ACTR5: variants seen among roughly 807,000 people sequenced by gnomAD.
ACTR5 encodes actin related protein 5, also known as actin-related protein 5.
ACTR5 carries 43 observed loss-of-function variants against 61.2 expected under a neutral mutation model. The ratio of observed to expected loss-of-function variants is 0.70; its 90% confidence interval spans 0.55 to 0.91. The LOEUF (loss-of-function observed/expected upper bound fraction) is 0.91, where lower values mean the gene tolerates loss of function less well. Ranked by LOEUF, ACTR5 falls within the 40% of genes least tolerant of loss-of-function variation. The probability of loss-of-function intolerance (pLI) is 0.00; values close to 1 mark genes in which losing one functional copy is unlikely to be tolerated. For missense variants in ACTR5, 798 were observed against 782.2 expected, an observed-to-expected ratio of 1.02 and a Z score of -0.24; for synonymous variants, 333 against 310.5, an observed-to-expected ratio of 1.07 and a Z score of -0.76.
chr20:38,762,211 G>A (rs928373891), intron 5 of ACTR5, among the ~76,000 whole-genome samples: 4 of 152,194 alleles, frequency 2.6e-5, no homozygotes, highest in African/African-American at 9.7e-5. Context: ...GAGGACTCAA[G>A]GTCTGGGTTC....
intron 5 of ACTR5, among the ~76,000 whole-genome samples, chr20:38,758,945 C>T (rs536267287): frequency 6.6e-5 from 10 of 152,154 alleles, no homozygotes; most frequent in African/African-American, 9.7e-5. Context: ...ATAGAGGTCT[C>T]GAAAATCTAT....
intron 8 of ACTR5, among the ~76,000 whole-genome samples, chr20:38,771,110 T>C (rs954644804): frequency 2.0e-5 from 3 of 152,194 alleles, no homozygotes; most frequent in African/African-American, 7.2e-5. Context: ...AGGTCACCCC[T>C]CTCTGCTGCC....
At chr20:38,753,238 C>G (rs2084397721) in intron 3 of ACTR5, among the ~76,000 whole-genome samples, 1 of 151,850 alleles carries the variant, frequency 6.6e-6, no homozygotes, top group South Asian at 2.1e-4. Flanking sequence ...TTTTACAATT[C>G]TATGATATGA....
chr20:38,752,386 C>G (rs1601193918), intron 3 of ACTR5, 86 bp downstream of exon 3: 1 of 1,442,128 alleles, frequency 6.9e-7, no homozygotes, highest in East Asian at 2.4e-5. Context: ...TCTTTGCTTG[C>G]TCACTTTTTA....
rs2145661188 is a variant in ACTR5, at chr20:38,748,857, A to G, written c.375+4A>G. Reference sequence around the variant, plus strand: ...GCACCTGGGTGTCTCCTCACAGGTGAAGGGCGGAGTAGGCTGGGCTGGGCT... The same window carrying G: ...GCACCTGGGTGTCTCCTCACAGGTGGAGGGCGGAGTAGGCTGGGCTGGGCT... On this transcript the variant is annotated splice_donor_region_variant and intron_variant, in intron 1 of 8. Coordinates refer to ENST00000243903, the MANE Select transcript of ACTR5 (RefSeq NM_024855.4). 6.2e-7 allele frequency: 1 copy of G among 1,604,634 alleles called. No homozygotes were observed. The highest frequency in any genetic ancestry group is 2.3e-5 in the East Asian group (1 of 44,140).
intron 3 of ACTR5, among the ~76,000 whole-genome samples, chr20:38,753,207 T>C (rs2084397354): frequency 1.3e-5 from 2 of 151,838 alleles, no homozygotes; most frequent in Non-Finnish European, 2.9e-5. Flanking sequence ...TATTGACTCT[T>C]TTTTTTTAGT....
chr20:38,759,297 C>T (rs1034368743), intron 5 of ACTR5, among the ~76,000 whole-genome samples: 1 of 152,198 alleles, frequency 6.6e-6, no homozygotes, highest in African/African-American at 2.4e-5. Flanking sequence ...CTGTCATTCC[C>T]TGCAGTTCCA....
rs1373747731 is a variant in ACTR5 at position 38,756,013 on chromosome 20, G to T, written c.1150G>T (p.Val384Leu). 2 of 1,613,354 alleles carry T rather than the reference G, an allele frequency of 1.2e-6. No homozygotes were observed. Among genetic ancestry groups the T allele is most frequent in the Non-Finnish European group, 1.7e-6 (2 of 1,179,976 alleles). The change falls in exon 5 of 9, where the codon GTG (valine) becomes TTG (leucine). Residue 384 changes from valine (V) to leucine (L), a missense_variant. Physicochemically the swap from Val to Leu is conservative, Grantham distance 32 (BLOSUM62 1). Transcript: ENST00000243903. ...KILQAEVNLE[V>L]DVVDSKPETP... ...CCTCCAAGCGGAAGTCAACCTCGAGGTGGATGTGGTAGACAGCAAGCCAGA... is the reference window on the plus strand; with the variant it reads ...CCTCCAAGCGGAAGTCAACCTCGAGTTGGATGTGGTAGACAGCAAGCCAGA...
chr20:38,749,745 G>C (rs1295969102), intron 1 of ACTR5, among the ~76,000 whole-genome samples: 1 of 152,210 alleles, frequency 6.6e-6, no homozygotes, highest in East Asian at 1.9e-4. Flanking sequence ...ATTAGAAGCA[G>C]TTGGATTCTG....
chr20:38,754,860 A>G, intron 3 of ACTR5, 97 bp from the exon 4 acceptor site: 1 of 1,236,304 alleles, frequency 8.1e-7, no homozygotes, highest in Admixed American at 2.0e-5. Context: ...AAGTGCTGGG[A>G]TTACAGGCGT....
At chr20:38,763,273 C>G (rs2084465508) in intron 5 of ACTR5, among the ~76,000 whole-genome samples, 1 of 152,180 alleles carries the variant, frequency 6.6e-6, no homozygotes, top group African/African-American at 2.4e-5. Flanking sequence ...GGGGTCATTC[C>G]TGAAGAGCTG....
Position 38,748,822 on chromosome 20 carries a change from A to G in ACTR5, c.344A>G (p.Tyr115Cys), listed in dbSNP as rs1157598518. 3.7e-6 allele frequency: 6 copies of G among 1,608,540 alleles called. No homozygotes were observed. Among genetic ancestry groups the G allele is most frequent in the Admixed American group, 1.7e-5 (1 of 59,794 alleles). ...NLELQELLLD[Y>C]SFQHLGVSSQ... ...GAGCTTCAGGAGTTGCTGCTGGACT[A>G]CAGCTTCCAGCACCTGGGTGTCTCC... Residue 115 changes from tyrosine (Y) to cysteine (C), a missense_variant, in exon 1 of 9, where the codon TAC (tyrosine) becomes TGC (cysteine). Physicochemically the swap from Tyr to Cys is radical, Grantham distance 194 (BLOSUM62 -2). Transcript: ENST00000243903.
intron 8 of ACTR5, among the ~76,000 whole-genome samples, chr20:38,768,996 C>G (rs1041038328): frequency 6.6e-6 from 1 of 152,192 alleles, no homozygotes. Context: ...TTCCCAGCCT[C>G]TAGGAGGAAG....
chr20:38,771,799 G>T lies in ACTR5; in HGVS notation c.1807G>T (p.Ala603Ser). ...GGGCTCCGCTGCTGGTGGAGGTGGTGCTGGTGAGCAGGCATAGCAGAGGCC... is the reference window on the plus strand; with the variant it reads ...GGGCTCCGCTGCTGGTGGAGGTGGTTCTGGTGAGCAGGCATAGCAGAGGCC... Reference protein sequence around the residue: ...SKGSAAGGGGAGEQA With the variant: ...SKGSAAGGGGSGEQA The change falls in exon 9 of 9, where the codon GCT (alanine) becomes TCT (serine). Residue 603 changes from alanine (A) to serine (S), a missense_variant. Coordinates refer to ENST00000243903, the MANE Select transcript of ACTR5 (RefSeq NM_024855.4). 2 of 1,612,414 alleles carry T rather than the reference G, an allele frequency of 1.2e-6. No individual in the cohort carries two copies. The highest frequency in any genetic ancestry group is 1.7e-6 in the Non-Finnish European group (2 of 1,179,722).
At chr20:38,756,863 C>T (rs968772644) in intron 5 of ACTR5, among the ~76,000 whole-genome samples, 6 of 152,166 alleles carry the variant, frequency 3.9e-5, no homozygotes, top group Middle Eastern at 3.2e-3. Flanking sequence ...GAGACCGCTC[C>T]GTTGCACTCC....
intron 5 of ACTR5, among the ~76,000 whole-genome samples, chr20:38,758,579 G>T (rs1248008428): frequency 1.3e-5 from 2 of 151,828 alleles, no homozygotes; most frequent in Non-Finnish European, 2.9e-5. Flanking sequence ...CCCAGGAGGC[G>T]GAGGTTGCAG....
rs1286724933 is a variant in ACTR5, at chr20:38,752,289, A to G, written c.764A>G (p.Asp255Gly). Residue 255 changes from aspartate (D) to glycine (G), a missense_variant, in exon 3 of 9, where the codon GAT (aspartate) becomes GGT (glycine). By Grantham distance (94) the Asp-to-Gly change is moderately conservative. Transcript: ENST00000243903. ...ILHEHSYIAEDYVEELHKWRC... is the reference protein window; with the variant it reads ...ILHEHSYIAEGYVEELHKWRC... ...CATGAGCACAGCTACATCGCTGAGG[A>G]TTATGTGGAAGGTATCCAAGAGGAT... is the stretch of plus-strand genomic sequence containing the variant. The G allele has an allele frequency of 6.2e-7, 1 of 1,606,730 alleles. No individual in the cohort carries two copies. The highest frequency in any genetic ancestry group is 8.5e-7 in the Non-Finnish European group (1 of 1,174,424).
At chr20:38,765,708 GTGA>G (rs1275727925) in intron 6 of ACTR5, among the ~76,000 whole-genome samples, 190 bp downstream of exon 6, 2 of 152,158 alleles carry the variant, frequency 1.3e-5, no homozygotes, top group African/African-American at 4.8e-5. Context: ...ACCAAGATCT[GTGA>G]ATCTCTGAGA....
At chr20:38,766,675 CATT>C (rs748036635) in intron 7 of ACTR5, among the ~76,000 whole-genome samples, 2 of 152,152 alleles carry the variant, frequency 1.3e-5, no homozygotes, top group Non-Finnish European at 2.9e-5. Flanking sequence ...TAAACCTTCA[CATT>C]ATTAAAGACT....
Sources: allele counts gnomAD v4.1 joint callset (sites outside exome capture counted in the v4.1 genomes callset), GRCh38; gene constraint gnomAD v4.1.1; transcripts MANE v1.5; gene names NCBI Gene and HGNC (gene_info 2026-07-23, HGNC 2026-07-21).